GNB5: variants seen among roughly 807,000 people sequenced by gnomAD.
The protein encoded by GNB5 is G protein subunit beta 5.
A neutral mutation model predicts 55.3 loss-of-function variants in GNB5; 37 were observed. The observed-to-expected ratio is 0.67, with a 90% CI of 0.51 to 0.88. The LOEUF (loss-of-function observed/expected upper bound fraction) is 0.88. Ranked by LOEUF, GNB5 falls within the 40% of genes least tolerant of loss-of-function variation. The pLI, the probability that GNB5 is intolerant of heterozygous loss-of-function variation, is 0.00. For synonymous variants in GNB5, 219 were observed against 198.5 expected (o/e 1.10, Z -0.87); for missense variants, 476 against 515.3 (o/e 0.92, Z 0.74).
Position 52,149,891 on chromosome 15 carries a change from G to T in GNB5, c.410C>A (p.Thr137Lys). The T allele has an allele frequency of 6.2e-7, 1 of 1,611,150 alleles. No individual in the cohort carries two copies. The highest frequency in any genetic ancestry group is 8.5e-7 in the Non-Finnish European group (1 of 1,177,288). ...GKVIVWDSFT[T>K]NKEHAVTMPC... ...CTGGGAACAATGCCTCACCTTGTTT[G>T]TGGTGAAGGAATCCCACACGATCAC... The change falls in exon 5 of 13, where the codon ACA becomes AAA. Residue 137 changes from threonine to lysine, a missense_variant. Thr to Lys is a moderately conservative substitution (Grantham distance 78). Transcript: ENST00000261837.
In GNB5 at chr15:52,141,171, G is replaced by T. The variant is rs138461129; in HGVS notation, c.596C>A (p.Ser199Ter). 2 of 1,613,934 alleles carry T rather than the reference G, an allele frequency of 1.2e-6. No individual in the cohort carries two copies. The highest frequency in any genetic ancestry group is 1.7e-6 in the Non-Finnish European group (2 of 1,179,924). Reference sequence around the variant, plus strand: ...GTCAGAGTTGGTGAAGCTGCAGGCCGACAGGTAGTTGGTGTGCATAGCAAC... The same window carrying T: ...GTCAGAGTTGGTGAAGCTGCAGGCCTACAGGTAGTTGGTGTGCATAGCAAC... ...KSVAMHTNYL[S>*]ACSFTNSDMQ... Residue 199 changes from serine to a stop codon, truncating the protein, a stop_gained, in exon 7 of 13, where the codon TCG (serine) becomes TAG (stop). Coordinates refer to ENST00000261837, the MANE Select transcript of GNB5 (RefSeq NM_016194.4). LOFTEE classifies it high-confidence loss of function.
chr15:52,185,427 C>T (rs548627434), intron 1 of GNB5, among the ~76,000 whole-genome samples: 4 of 152,312 alleles, frequency 2.6e-5, no homozygotes, highest in African/African-American at 7.2e-5. Context: ...AGAGTCAGTG[C>T]GTAAAGCACT....
intron 7 of GNB5, 120 bp from the exon 8 acceptor site, chr15:52,135,876 CA>C (rs2033692685): frequency 1.4e-6 from 1 of 716,848 alleles, no homozygotes; most frequent in African/African-American, 1.9e-5. Context: ...CACACACACA[CA>C]CACACACACA....
intron 9 of GNB5, among the ~76,000 whole-genome samples, chr15:52,130,668 A>G (rs1188156348): frequency 1.3e-5 from 2 of 152,214 alleles, no homozygotes; most frequent in South Asian, 2.1e-4. Context: ...CTGGCCATGC[A>G]GTGTGGTCTC....
At position 52,157,209 on chromosome 15, in the gene GNB5, T is replaced by C. The variant is rs529942223; in HGVS notation, c.239-3133A>G. Among the ~76,000 whole-genome samples the C allele has an allele frequency of 7.9e-5, 12 of 151,338 alleles. No individual in the cohort carries two copies. The East Asian group carries it at 1.8e-3, about 22-fold the overall frequency. ...CCTCGGCCTCCCAAAGTGCTGGGAT[T>C]ACAGGCGTGAGCCACGGCACCCGGC... is the stretch of plus-strand genomic sequence containing the variant. On this transcript the variant is annotated intron_variant, in intron 3 of 12. Coordinates refer to ENST00000261837, the MANE Select transcript of GNB5 (RefSeq NM_016194.4).
chr15:52,189,441 G>A (rs559277810), intron 1 of GNB5, among the ~76,000 whole-genome samples: 8 of 152,208 alleles, frequency 5.3e-5, no homozygotes, highest in East Asian at 1.9e-4. Flanking sequence ...TTAGCCAGGC[G>A]TGGTGGCAGG....
intron 7 of GNB5, chr15:52,138,922 C>T (rs1040440083): frequency 3.9e-5 from 6 of 152,144 alleles, no homozygotes; most frequent in African/African-American, 1.4e-4. Flanking sequence ...AAAGACCAAA[C>T]ATTTATTCAT....
intron 3 of GNB5, among the ~76,000 whole-genome samples, chr15:52,166,949 A>G (rs2034462778): frequency 6.6e-6 from 1 of 152,228 alleles, no homozygotes; most frequent in Admixed American, 6.5e-5. Context: ...AGATTAATAA[A>G]AGAGAGGAGA....
intron 2 of GNB5, among the ~76,000 whole-genome samples, chr15:52,181,473 G>A (rs1272377405): frequency 1.3e-5 from 2 of 152,038 alleles, no homozygotes; most frequent in East Asian, 3.8e-4. Context: ...AAAATTAGTC[G>A]GGCGTGGTGG....
At chr15:52,135,586 C>T in intron 8 of GNB5, 27 bp downstream of exon 8, 2 of 1,606,396 alleles carry the variant, frequency 1.2e-6, no homozygotes, top group Non-Finnish European at 1.7e-6. Flanking sequence ...ACACAGGAGC[C>T]CTAGGGAATT....
In GNB5 at chr15:52,116,567, C is replaced by G. The variant is rs955183374; in HGVS notation, c.*6190G>C. The G allele has an allele frequency of 6.8e-6, 1 of 147,602 alleles. No homozygotes were observed. The highest frequency in any genetic ancestry group is 2.7e-5 in the African/African-American group (1 of 37,064). The allele number at this position is 147,602 out of a possible 1,614,324, so 9.1% of individuals were successfully genotyped here. On this transcript the variant is annotated 3_prime_UTR_variant, in exon 13 of 13. Coordinates refer to ENST00000261837, the MANE Select transcript of GNB5 (RefSeq NM_016194.4). ...ATTAGCATATTAATCCCTTAAATGT[C>G]TATCATTTGTGTTGGGAATGTGAAA...
At chr15:52,176,556 G>A (rs1476930365) in intron 3 of GNB5, among the ~76,000 whole-genome samples, 4 of 152,138 alleles carry the variant, frequency 2.6e-5, no homozygotes, top group African/African-American at 4.8e-5. Context: ...AGGTAAGAGC[G>A]GCTGCAGGGT....
chr15:52,156,813 T>C (rs945600920), intron 3 of GNB5, among the ~76,000 whole-genome samples: 29 of 152,218 alleles, frequency 1.9e-4, no homozygotes, highest in African/African-American at 7.0e-4. Flanking sequence ...TCAATTATTA[T>C]GCCATTGCTT....
intron 3 of GNB5, among the ~76,000 whole-genome samples, chr15:52,175,388 C>T (rs547285626): frequency 1.3e-5 from 2 of 152,168 alleles, no homozygotes; most frequent in South Asian, 2.1e-4. Flanking sequence ...GAGGTCATCA[C>T]GAAGCAGGGG....
intron 3 of GNB5, among the ~76,000 whole-genome samples, chr15:52,178,699 G>A (rs1287707590): frequency 6.6e-6 from 1 of 152,152 alleles, no homozygotes; most frequent in African/African-American, 2.4e-5. Context: ...ATTTAAAGAA[G>A]ACCCCTAGGA....
intron 3 of GNB5, among the ~76,000 whole-genome samples, chr15:52,155,788 C>T (rs1393019965): frequency 1.3e-5 from 2 of 152,204 alleles, no homozygotes; most frequent in Admixed American, 1.3e-4. Flanking sequence ...CCCACCTGGG[C>T]ACATGAGTCC....
intron 3 of GNB5, among the ~76,000 whole-genome samples, chr15:52,167,644 C>T (rs1405972307): frequency 6.6e-6 from 1 of 151,218 alleles, no homozygotes; most frequent in Admixed American, 6.6e-5. Flanking sequence ...GCACTCCAGA[C>T]TGGGCAACAG....
intron 2 of GNB5, among the ~76,000 whole-genome samples, chr15:52,181,431 C>G (rs1032837970): frequency 5.9e-5 from 9 of 152,112 alleles, no homozygotes; most frequent in African/African-American, 2.2e-4. Flanking sequence ...GCCTGGCCAA[C>G]ATGATGAAAC....
intron 3 of GNB5, among the ~76,000 whole-genome samples, chr15:52,155,437 T>C (rs1245122826): frequency 2.0e-5 from 3 of 152,168 alleles, no homozygotes; most frequent in African/African-American, 7.2e-5. Flanking sequence ...CTCCCCAAAA[T>C]GCTTCAGTGT....
Sources: gnomAD v4.1 joint callset for allele counts (sites outside exome capture counted in the v4.1 genomes callset) on GRCh38, gnomAD v4.1.1 for gene constraint, MANE v1.5 for transcripts, NCBI Gene and HGNC (gene_info 2026-07-23, HGNC 2026-07-21) for gene names.